The following SDC2 variants were observed in gnomAD, a reference collection of about 807,000 sequenced individuals.
SDC2 encodes the protein syndecan 2.
SDC2 carries 13 observed loss-of-function variants against 22.2 expected under a neutral mutation model. The observed-to-expected ratio is 0.59, with a 90% CI of 0.38 to 0.93. SDC2 has a LOEUF of 0.93. Ranked by LOEUF, SDC2 falls within the 40% of genes least tolerant of loss-of-function variation. The probability of loss-of-function intolerance (pLI) is 0.00; values close to 1 mark genes in which losing one functional copy is unlikely to be tolerated. For missense variants in SDC2, 235 were observed against 246.8 expected, an observed-to-expected ratio of 0.95 and a Z score of 0.32; for synonymous variants, 94 against 92.8, an observed-to-expected ratio of 1.01 and a Z score of -0.07.
intron 1 of SDC2, among the ~76,000 whole-genome samples, chr8:96,544,529 T>G (rs186075948): frequency 6.7e-4 from 102 of 152,320 alleles, no homozygotes; most frequent in Admixed American, 2.2e-3. Flanking sequence ...CTTTTCTCTC[T>G]TGAGTTCCTG....
At chr8:96,560,119 T>C (rs1365338048) in intron 1 of SDC2, among the ~76,000 whole-genome samples, 1 of 152,198 alleles carries the variant, frequency 6.6e-6, no homozygotes, top group Non-Finnish European at 1.5e-5. Flanking sequence ...CCTGTGTCCA[T>C]TAGCAGTCAC....
At chr8:96,517,497 A>G (rs1409998895) in intron 1 of SDC2, among the ~76,000 whole-genome samples, 1 of 152,050 alleles carries the variant, frequency 6.6e-6, no homozygotes, top group Non-Finnish European at 1.5e-5. Context: ...ATTTTGAATT[A>G]GTTTTTGCAT....
intron 2 of SDC2, among the ~76,000 whole-genome samples, chr8:96,597,083 T>G (rs749591412): frequency 1.3e-5 from 2 of 152,182 alleles, no homozygotes; most frequent in Non-Finnish European, 2.9e-5. Context: ...CCTGGAGATT[T>G]ATTATCTGGA....
At chr8:96,566,331 A>T (rs1814298590) in intron 1 of SDC2, among the ~76,000 whole-genome samples, 1 of 152,232 alleles carries the variant, frequency 6.6e-6, no homozygotes, top group Non-Finnish European at 1.5e-5. Flanking sequence ...ATATTTCTTG[A>T]CTATTTCAGA....
chr8:96,507,750 AAT>A (rs1813264113), intron 1 of SDC2, among the ~76,000 whole-genome samples: 1 of 152,250 alleles, frequency 6.6e-6, no homozygotes, highest in Non-Finnish European at 1.5e-5. Context: ...TTATGCTAAA[AAT>A]ATGTCAGTGC....
intron 1 of SDC2, among the ~76,000 whole-genome samples, chr8:96,517,801 G>GTA (rs749368466): frequency 6.8e-5 from 7 of 103,410 alleles, no homozygotes; most frequent in African/African-American, 9.2e-5. Context: ...GTGTGTGTGT[G>GTA]TATATATATA....
chr8:96,606,711 G>A (rs1423732461), intron 3 of SDC2, among the ~76,000 whole-genome samples: 1 of 152,148 alleles, frequency 6.6e-6, no homozygotes, highest in Non-Finnish European at 1.5e-5. Flanking sequence ...GCGTAACCTT[G>A]GGTGATTCAC....
chr8:96,501,992 G>A (rs1305266512), intron 1 of SDC2, among the ~76,000 whole-genome samples: 1 of 69,168 alleles, frequency 1.4e-5, no homozygotes, highest in Non-Finnish European at 2.7e-5. Flanking sequence ...TTGTTTACTA[G>A]GAGTGGTATA....
intron 1 of SDC2, among the ~76,000 whole-genome samples, chr8:96,495,860 G>T (rs190740020): frequency 6.6e-6 from 1 of 152,288 alleles, no homozygotes; most frequent in East Asian, 1.9e-4. Context: ...GGGTGCTCAG[G>T]TTGTAAAATA....
chr8:96,590,666 A>G (rs976670768), intron 1 of SDC2, among the ~76,000 whole-genome samples: 4 of 152,010 alleles, frequency 2.6e-5, no homozygotes, highest in South Asian at 2.1e-4. Flanking sequence ...GGAAGGCAAT[A>G]GAGGTATTCA....
intron 1 of SDC2, among the ~76,000 whole-genome samples, chr8:96,553,876 G>C (rs556337147): frequency 6.6e-6 from 1 of 151,984 alleles, no homozygotes; most frequent in Non-Finnish European, 1.5e-5. Flanking sequence ...GGGCTCAGGT[G>C]ATTCTCCCAC....
chr8:96,562,237 C>G (rs1246909095), intron 1 of SDC2, among the ~76,000 whole-genome samples: 1 of 152,172 alleles, frequency 6.6e-6, no homozygotes, highest in Non-Finnish European at 1.5e-5. Flanking sequence ...TGTTCCAGCT[C>G]TATTTGTTGA....
chr8:96,500,198 C>T (rs971532432), intron 1 of SDC2, among the ~76,000 whole-genome samples: 1 of 152,132 alleles, frequency 6.6e-6, no homozygotes, highest in African/African-American at 2.4e-5. Context: ...GTCACACCTC[C>T]TCCTCTTCCC....
chr8:96,545,267 C>A (rs182435237), intron 1 of SDC2, among the ~76,000 whole-genome samples: 1 of 152,258 alleles, frequency 6.6e-6, no homozygotes, highest in Admixed American at 6.5e-5. Flanking sequence ...TTTTATGTAA[C>A]CTTCGGTTTT....
chr8:96,505,616 A>T (rs1236498713), intron 1 of SDC2, among the ~76,000 whole-genome samples: 1 of 152,180 alleles, frequency 6.6e-6, no homozygotes, highest in African/African-American at 2.4e-5. Flanking sequence ...CCTACATTTT[A>T]AACACTGTTT....
At chr8:96,589,901 C>CG in intron 1 of SDC2, among the ~76,000 whole-genome samples, 1 of 152,256 alleles carries the variant, frequency 6.6e-6, no homozygotes, top group South Asian at 2.1e-4. Flanking sequence ...TAGCCAGAGC[C>CG]GGGGGGCCAG....
chr8:96,586,895 A>T (rs1271723086), intron 1 of SDC2, among the ~76,000 whole-genome samples: 1 of 152,158 alleles, frequency 6.6e-6, no homozygotes, highest in Non-Finnish European at 1.5e-5. Context: ...AAGATGTTTG[A>T]AGCAGTTTGG....
At chr8:96,494,388 G>C in intron 1 of SDC2, 57 bp downstream of exon 1, 2 of 1,506,464 alleles carry the variant, frequency 1.3e-6, no homozygotes, top group Non-Finnish European at 1.8e-6. Flanking sequence ...AGCTACGAGA[G>C]GAGCCCGCAG....
chr8:96,508,605 T>A (rs1813285396), intron 1 of SDC2, among the ~76,000 whole-genome samples: 2 of 141,870 alleles, frequency 1.4e-5, no homozygotes, highest in South Asian at 4.5e-4. Flanking sequence ...AGGAAAGAAT[T>A]TTATTAAAAG....
Sources: gnomAD v4.1 joint callset for allele counts (sites outside exome capture counted in the v4.1 genomes callset) on GRCh38, gnomAD v4.1.1 for gene constraint, MANE v1.5 for transcripts, NCBI Gene and HGNC (gene_info 2026-07-23, HGNC 2026-07-21) for gene names.